SSBP3: variants seen among roughly 807,000 people sequenced by gnomAD.
The protein encoded by SSBP3 is single stranded DNA binding protein 3, also known as single-stranded DNA-binding protein 3.
Under a neutral mutation model 69.6 loss-of-function variants are expected in SSBP3, and 5 were observed. The ratio of observed to expected loss-of-function variants is 0.07; its 90% CI spans 0.04 to 0.15. The LOEUF (loss-of-function observed/expected upper bound fraction) is 0.15, where lower values mean the gene tolerates loss of function less well. Ranked by LOEUF, SSBP3 falls within the 10% of genes least tolerant of loss-of-function variation. SSBP3 has a pLI of 1.00. For synonymous variants in SSBP3, 196 were observed against 193.4 expected, an observed-to-expected ratio of 1.01 and a Z score of -0.11; for missense variants, 312 against 534.0, an observed-to-expected ratio of 0.58 and a Z score of 4.10.
intron 4 of SSBP3, among the ~76,000 whole-genome samples, chr1:54,377,144 A>G (rs1647272084): frequency 6.6e-6 from 1 of 152,206 alleles, no homozygotes; most frequent in Admixed American, 6.5e-5. Flanking sequence ...GCAAGCAATC[A>G]ATAAATGGGG....
At chr1:54,364,692 C>T (rs900553414) in intron 4 of SSBP3, among the ~76,000 whole-genome samples, 9 of 152,166 alleles carry the variant, frequency 5.9e-5, no homozygotes, top group Admixed American at 3.9e-4. Context: ...TATCTTCAGC[C>T]CTTTCTAAAT....
At chr1:54,290,000 C>T (rs1232041175) in intron 4 of SSBP3, among the ~76,000 whole-genome samples, 1 of 152,140 alleles carries the variant, frequency 6.6e-6, no homozygotes, top group Non-Finnish European at 1.5e-5. Flanking sequence ...ACAGTCACTA[C>T]CAGAACTCAG....
intron 4 of SSBP3, among the ~76,000 whole-genome samples, chr1:54,371,107 G>A (rs778592861): frequency 3.3e-5 from 5 of 152,206 alleles, no homozygotes; most frequent in Non-Finnish European, 5.9e-5. Flanking sequence ...GAAGGGCCAC[G>A]AGAAAGGTCT....
rs577215423 is a variant in SSBP3, at chr1:54,398,094, G to A, written c.276+3767C>T. 3.9e-5 allele frequency among the ~76,000 whole-genome samples: 6 copies of A among 152,300 alleles called. No individual in the cohort carries two copies. The East Asian group carries it at 7.7e-4, about 20-fold the overall frequency. Reference sequence around the variant, plus strand: ...AAGTGTCAATAAAAGCTGAGAGGCAGAACTAGAAAGATAGAGGATTTCTAG... The same window carrying A: ...AAGTGTCAATAAAAGCTGAGAGGCAAAACTAGAAAGATAGAGGATTTCTAG... On this transcript the variant is annotated intron_variant, in intron 4 of 17. Transcript: ENST00000610401.
At chr1:54,347,278 C>G (rs1646705005) in intron 4 of SSBP3, among the ~76,000 whole-genome samples, 1 of 151,494 alleles carries the variant, frequency 6.6e-6, no homozygotes, top group Non-Finnish European at 1.5e-5. Flanking sequence ...CTCCTATATA[C>G]TTTAAATCAT....
intron 8 of SSBP3, 38 bp downstream of exon 8, chr1:54,251,756 C>T: frequency 6.2e-7 from 1 of 1,601,782 alleles, no homozygotes; most frequent in South Asian, 1.1e-5. Context: ...CCCCTCCTGG[C>T]ATCCCCAGCC....
intron 4 of SSBP3, among the ~76,000 whole-genome samples, chr1:54,324,657 GT>G (rs34258509): frequency 0.22 from 34,206 of 152,070 alleles, 4,769 homozygotes; most frequent in East Asian, 0.41. Context: ...CCCCGTTCCA[GT>G]TCCTTTTGGG....
intron 14 of SSBP3, among the ~76,000 whole-genome samples, chr1:54,233,575 G>A (rs1315482871): frequency 1.9e-4 from 26 of 134,138 alleles, no homozygotes; most frequent in East Asian, 9.0e-4. Context: ...CCGCCCCGTC[G>A]GGGAGGGAGG....
intron 4 of SSBP3, among the ~76,000 whole-genome samples, chr1:54,327,217 A>AAAGGAAGGAAGGAAGG (rs55892071): frequency 0.015 from 1,960 of 134,112 alleles, 28 homozygotes; most frequent in African/African-American, 0.025. Flanking sequence ...AAGAGAGGGA[A>AAAGGAAGGAAGGAAGG]AAGGAAGGAA....
intron 4 of SSBP3, among the ~76,000 whole-genome samples, chr1:54,367,250 A>C (rs1195394880): frequency 1.3e-5 from 2 of 151,986 alleles, no homozygotes; most frequent in South Asian, 4.2e-4. Context: ...TTGCCCATAA[A>C]CCCCCGCCCT....
chr1:54,386,363 C>T (rs151070537), intron 4 of SSBP3, among the ~76,000 whole-genome samples: 5 of 152,196 alleles, frequency 3.3e-5, no homozygotes, highest in African/African-American at 1.2e-4. Flanking sequence ...AAATGCCCCA[C>T]GGGCACAGCA....
chr1:54,289,102 T>C (rs1645557431), intron 4 of SSBP3, among the ~76,000 whole-genome samples: 1 of 150,664 alleles, frequency 6.6e-6, no homozygotes, highest in Non-Finnish European at 1.5e-5. Context: ...AAGAGTTCTG[T>C]GTGCTTTGAC....
At chr1:54,368,288 CAAAAAAAA>C (rs57721486) in intron 4 of SSBP3, among the ~76,000 whole-genome samples, 12 of 69,044 alleles carry the variant, frequency 1.7e-4, no homozygotes, top group Admixed American at 3.4e-4. Flanking sequence ...GACTCCATCT[CAAAAAAAA>C]AAAAAAAAAA....
intron 4 of SSBP3, chr1:54,326,385 A>T (rs1241507707): frequency 6.6e-6 from 1 of 152,610 alleles, no homozygotes; most frequent in Non-Finnish European, 1.5e-5. Context: ...CTTTGCAGCC[A>T]GGTCAGCCTC....
chr1:54,240,073 TGTGTGTGTGTGTGTGCGC>T (rs772716725), intron 13 of SSBP3, among the ~76,000 whole-genome samples: 646 of 26,204 alleles, frequency 0.025, 11 homozygotes, highest in African/African-American at 0.1. Flanking sequence ...TGTGTGTGTG[TGTGTGTGTGTGTGTGCGC>T]GCGCGCGCGT....
chr1:54,327,057 C>A (rs1646318189), intron 4 of SSBP3, among the ~76,000 whole-genome samples: 1 of 152,020 alleles, frequency 6.6e-6, no homozygotes, highest in African/African-American at 2.4e-5. Context: ...GGTTTCTAAG[C>A]AGTAACTCAG....
intron 4 of SSBP3, among the ~76,000 whole-genome samples, chr1:54,368,041 C>G (rs1647056620): frequency 6.6e-6 from 1 of 152,110 alleles, no homozygotes; most frequent in Admixed American, 6.5e-5. Context: ...GTGGCTCACA[C>G]CTGTAATCCC....
At chr1:54,392,429 G>A (rs1648563015) in intron 4 of SSBP3, among the ~76,000 whole-genome samples, 1 of 152,142 alleles carries the variant, frequency 6.6e-6, no homozygotes, top group South Asian at 2.1e-4. Context: ...ACAAACCCAG[G>A]GCACACATAC....
chr1:54,313,058 T>A (rs1646032643), intron 4 of SSBP3, among the ~76,000 whole-genome samples: 1 of 147,478 alleles, frequency 6.8e-6, no homozygotes, highest in Admixed American at 6.8e-5. Context: ...GCAGGAAGTG[T>A]TCATTCCACC....
Sources: gnomAD v4.1 joint callset for allele counts (sites outside exome capture counted in the v4.1 genomes callset) on GRCh38, gnomAD v4.1.1 for gene constraint, MANE v1.5 for transcripts, NCBI Gene and HGNC (gene_info 2026-07-23, HGNC 2026-07-21) for gene names.